ARHGAP15: variants seen among roughly 807,000 people sequenced by gnomAD.
The protein encoded by ARHGAP15 is Rho GTPase activating protein 15, also known as rho GTPase-activating protein 15.
ARHGAP15 carries 51 observed loss-of-function variants against 63.7 expected under a neutral mutation model. The ratio of observed to expected loss-of-function variants is 0.80; its 90% CI spans 0.64 to 1.01. The LOEUF (loss-of-function observed/expected upper bound fraction) is 1.01, where lower values mean the gene tolerates loss of function less well. ARHGAP15 is among the 50% of genes least tolerant of loss of function. The pLI is 0.00. For missense variants in ARHGAP15, 560 were observed against 564.6 expected, an observed-to-expected ratio of 0.99 and a Z score of 0.08; for synonymous variants, 191 against 193.8, an observed-to-expected ratio of 0.99 and a Z score of 0.12.
At chr2:143,645,864 C>G (rs1180385017) in intron 12 of ARHGAP15, among the ~76,000 whole-genome samples, 1 of 152,042 alleles carries the variant, frequency 6.6e-6, no homozygotes, top group Admixed American at 6.6e-5. Context: ...ATCTCTCTTG[C>G]AGAATCTCTT....
In ARHGAP15 at chr2:143,567,543, AACATGGAAT is replaced by A. The variant is rs1240600554; in HGVS notation, c.1003+11063_1003+11071del. On this transcript the variant is annotated intron_variant, in intron 11 of 13. Transcript: ENST00000295095. The stretch of plus-strand genomic sequence containing the variant: ...ACCTGAAGTAACTGTCTTCCAACCC[AACATGGAAT>A]ACATTGGAAAGATTTGGGAAGAAGA... Among the ~76,000 whole-genome samples the A allele has an allele frequency of 2.6e-5, 4 of 152,256 alleles. No homozygotes were observed. In the East Asian group the frequency reaches 7.8e-4, roughly 30 times the overall value.
chr2:143,361,469 C>G (rs549805293), intron 6 of ARHGAP15, among the ~76,000 whole-genome samples: 2 of 152,280 alleles, frequency 1.3e-5, no homozygotes, highest in South Asian at 4.1e-4. Flanking sequence ...GAAGTTGCAT[C>G]TCTTGGATGA....
At chr2:143,499,348 G>A (rs1365165030) in intron 9 of ARHGAP15, among the ~76,000 whole-genome samples, 2 of 152,172 alleles carry the variant, frequency 1.3e-5, no homozygotes, top group African/African-American at 4.8e-5. Context: ...TGCTCAAATG[G>A]ACTCAGTGCG....
At chr2:143,404,605 C>G (rs1688123099) in intron 6 of ARHGAP15, among the ~76,000 whole-genome samples, 1 of 151,846 alleles carries the variant, frequency 6.6e-6, no homozygotes, top group Non-Finnish European at 1.5e-5. Flanking sequence ...TTGATTTAAA[C>G]AGTCTTTGTT....
At chr2:143,218,320 C>T (rs1692849294) in intron 4 of ARHGAP15, among the ~76,000 whole-genome samples, 1 of 127,330 alleles carries the variant, frequency 7.9e-6, no homozygotes. Flanking sequence ...TTGTTGTTAC[C>T]CCAGGTGCAC....
At chr2:143,152,460 C>T (rs908893151) in intron 1 of ARHGAP15, among the ~76,000 whole-genome samples, 3 of 152,004 alleles carry the variant, frequency 2.0e-5, no homozygotes, top group African/African-American at 7.2e-5. Flanking sequence ...CTCTCCCCAC[C>T]TGGGCACTGC....
rs187495514 is a variant in ARHGAP15, at chr2:143,231,769, G to A, written c.384+3101G>A. 1.3e-4 allele frequency among the ~76,000 whole-genome samples: 20 copies of A among 152,290 alleles called. No individual in the cohort carries two copies. In the East Asian group the frequency reaches 2.1e-3, roughly 16 times the overall value. On this transcript the variant is annotated intron_variant, in intron 5 of 13. Coordinates refer to ENST00000295095, the MANE Select transcript of ARHGAP15 (RefSeq NM_018460.4). Reference sequence around the variant, plus strand: ...TGGTTTTGGAGGCTGGGAAGTCCACGATCGAGGCACAGGTGAATCTGGTGT... The same window carrying A: ...TGGTTTTGGAGGCTGGGAAGTCCACAATCGAGGCACAGGTGAATCTGGTGT...
chr2:143,462,767 G>A (rs1038550720), intron 8 of ARHGAP15, among the ~76,000 whole-genome samples: 3 of 151,942 alleles, frequency 2.0e-5, no homozygotes, highest in African/African-American at 7.3e-5. Flanking sequence ...CTAGTAAGAT[G>A]TAGTAAGATG....
At chr2:143,452,545 T>C (rs1337400881) in intron 8 of ARHGAP15, among the ~76,000 whole-genome samples, 1 of 151,926 alleles carries the variant, frequency 6.6e-6, no homozygotes, top group East Asian at 1.9e-4. Context: ...CAGCTGCCTG[T>C]GGATGTGCCA....
intron 13 of ARHGAP15, among the ~76,000 whole-genome samples, chr2:143,744,791 T>A (rs1384950195): frequency 6.6e-6 from 1 of 152,130 alleles, no homozygotes; most frequent in East Asian, 1.9e-4. Flanking sequence ...CCTACAACCA[T>A]GGAAAGGCCT....
At chr2:143,320,419 C>G (rs1424615599) in intron 6 of ARHGAP15, among the ~76,000 whole-genome samples, 5 of 106,860 alleles carry the variant, frequency 4.7e-5, no homozygotes, top group Admixed American at 1.0e-4. Context: ...CCCCCCCCCC[C>G]CCCAGAGATC....
intron 6 of ARHGAP15, among the ~76,000 whole-genome samples, chr2:143,428,687 C>G (rs529805589): frequency 6.6e-6 from 1 of 152,060 alleles, no homozygotes; most frequent in East Asian, 1.9e-4. Flanking sequence ...AAAGAGACAA[C>G]AAGTCAGTGT....
intron 1 of ARHGAP15, among the ~76,000 whole-genome samples, chr2:143,136,578 G>A (rs573820683): frequency 2.7e-4 from 41 of 152,086 alleles, no homozygotes; most frequent in African/African-American, 5.8e-4. Flanking sequence ...TTGGGCCCCC[G>A]GCTCCAGGTG....
At chr2:143,403,722 G>A (rs553365297) in intron 6 of ARHGAP15, among the ~76,000 whole-genome samples, 23 of 151,938 alleles carry the variant, frequency 1.5e-4, no homozygotes, top group South Asian at 6.2e-4. Flanking sequence ...ATGTGTATAC[G>A]TGTATTTTTC....
intron 11 of ARHGAP15, among the ~76,000 whole-genome samples, chr2:143,591,508 C>T (rs1697316639): frequency 6.6e-6 from 1 of 151,828 alleles, no homozygotes; most frequent in Admixed American, 6.6e-5. Flanking sequence ...AATAATACTT[C>T]CTAATTTATA....
chr2:143,763,851 A>G (rs1298437991), intron 13 of ARHGAP15, among the ~76,000 whole-genome samples: 1 of 149,758 alleles, frequency 6.7e-6, no homozygotes, highest in African/African-American at 2.4e-5. Context: ...AATAGTAAAT[A>G]AGCCAGATAG....
intron 8 of ARHGAP15, among the ~76,000 whole-genome samples, chr2:143,470,773 T>G (rs1691489474): frequency 2.0e-5 from 3 of 149,856 alleles, no homozygotes; most frequent in African/African-American, 7.3e-5. Context: ...TTGTCAGTCA[T>G]TCATCCTACT....
At chr2:143,306,505 G>C (rs1683178573) in intron 6 of ARHGAP15, among the ~76,000 whole-genome samples, 1 of 152,082 alleles carries the variant, frequency 6.6e-6, no homozygotes, top group Admixed American at 6.6e-5. Context: ...TAGACCTCAG[G>C]TGCTTATGGA....
At chr2:143,353,602 AG>A (rs1345505499) in intron 6 of ARHGAP15, among the ~76,000 whole-genome samples, 4 of 152,312 alleles carry the variant, frequency 2.6e-5, no homozygotes, top group African/African-American at 9.6e-5. Context: ...TACATGAGAC[AG>A]GAGATACACA....
Sources: gnomAD v4.1 joint callset for allele counts (sites outside exome capture counted in the v4.1 genomes callset) on GRCh38, gnomAD v4.1.1 for gene constraint, MANE v1.5 for transcripts, NCBI Gene and HGNC (gene_info 2026-07-23, HGNC 2026-07-21) for gene names.